The following HKDC1 variants were observed in gnomAD, a reference collection of about 807,000 sequenced individuals.
HKDC1 encodes the protein hexokinase domain containing 1.
A neutral mutation model predicts 96.6 loss-of-function variants in HKDC1; 66 were observed. That is an observed-to-expected ratio of 0.68 (90% confidence interval 0.56 to 0.84). The LOEUF is 0.84. Ranked by LOEUF, HKDC1 falls within the 40% of genes least tolerant of loss-of-function variation. The probability of loss-of-function intolerance (pLI) is 0.00; values close to 1 mark genes in which losing one functional copy is unlikely to be tolerated. For missense variants in HKDC1, 1,211 were observed against 1,208.1 expected (o/e 1.00, Z -0.04); for synonymous variants, 466 against 473.1 (o/e 0.98, Z 0.20).
rs746802271 is a variant in HKDC1, at chr10:69,250,364, C to T, written c.1645C>T (p.Arg549Trp). The change falls in exon 11 of 18, where the codon CGG (arginine) becomes TGG (tryptophan). Residue 549 changes from arginine to tryptophan, a missense_variant. Arg to Trp is a moderately radical substitution (Grantham distance 101). Transcript: ENST00000354624. ...CCTCCTGGTGAAGATCAGAAGTGGA[C>T]GGAGGTCAGTGCGAATGTACAACAA... ...RVLLVKIRSG[R>W]RSVRMYNKIF... 22 of 1,613,980 alleles carry T rather than the reference C, an allele frequency of 1.4e-5. No homozygotes were observed. Among genetic ancestry groups the T allele is most frequent in the Middle Eastern group, 3.3e-4 (2 of 6,078 alleles).
Position 69,250,379 on chromosome 10 carries a change from A to G in HKDC1, c.1660A>G (p.Met554Val), listed in dbSNP as rs1296462114. The part of the protein sequence containing the change: ...KIRSGRRSVR[M>V]YNKIFAIPLE... ...CAGAAGTGGACGGAGGTCAGTGCGAATGTACAACAAGATCTTCGCCATCCC... is the reference window on the plus strand; with the variant it reads ...CAGAAGTGGACGGAGGTCAGTGCGAGTGTACAACAAGATCTTCGCCATCCC... Residue 554 changes from methionine (M) to valine (V), a missense_variant, in exon 11 of 18, where the codon ATG (methionine) becomes GTG (valine). Physicochemically the swap from Met to Val is conservative, Grantham distance 21. Transcript: ENST00000354624. 6.2e-7 allele frequency: 1 copy of G among 1,613,996 alleles called. No homozygotes were observed. The highest frequency in any genetic ancestry group is 2.2e-5 in the East Asian group (1 of 44,892).
At chr10:69,241,545 A>G (rs568147116) in intron 6 of HKDC1, among the ~76,000 whole-genome samples, 1 of 152,166 alleles carries the variant, frequency 6.6e-6, no homozygotes, top group East Asian at 1.9e-4. Flanking sequence ...GTGCAGTGGC[A>G]CAGTCTTGGC....
intron 5 of HKDC1, among the ~76,000 whole-genome samples, chr10:69,239,766 C>CTT (rs33937984): frequency 0.33 from 41,625 of 126,526 alleles, 7,556 homozygotes; most frequent in South Asian, 0.49. Context: ...TTTCATTTTA[C>CTT]TTTTTTTTTT....
chr10:69,265,260 G>C, intron 16 of HKDC1: 1 of 312,370 alleles, frequency 3.2e-6, no homozygotes, highest in African/African-American at 2.2e-5. Flanking sequence ...CTAGCAGGCT[G>C]AGCCACAGCC....
Position 69,267,163 on chromosome 10 carries a change from A to C in HKDC1, c.*406A>C, listed in dbSNP as rs1184712764. The stretch of plus-strand genomic sequence containing the variant: ...ATGCTTAAGCCATCTCTTATAGGGG[A>C]TTGGACCCTGTACTTGTGGATGAAC... On this transcript the variant is annotated 3_prime_UTR_variant, in exon 18 of 18. Coordinates refer to ENST00000354624, the MANE Select transcript of HKDC1 (RefSeq NM_025130.4). 1 of 256,344 alleles carries C rather than the reference A, an allele frequency of 3.9e-6. No individual in the cohort carries two copies. Among genetic ancestry groups the C allele is most frequent in the Non-Finnish European group, 7.6e-6 (1 of 131,898 alleles). The allele number at this position is 256,344 out of a possible 1,614,324, so 15.9% of individuals were successfully genotyped here.
At chr10:69,236,308 A>G (rs1843359409) in intron 4 of HKDC1, among the ~76,000 whole-genome samples, 2 of 151,098 alleles carry the variant, frequency 1.3e-5, no homozygotes, top group Non-Finnish European at 3.0e-5. Flanking sequence ...GAGTTTCACC[A>G]TGTTGGCCAG....
At chr10:69,240,902 A>G in intron 6 of HKDC1, 151 bp downstream of exon 6, 1 of 613,462 alleles carries the variant, frequency 1.6e-6, no homozygotes, top group South Asian at 1.8e-5. Flanking sequence ...TCATTCATCC[A>G]TTCGACAAGT....
chr10:69,231,774 AGATT>A, intron 2 of HKDC1, among the ~76,000 whole-genome samples: 1 of 152,336 alleles, frequency 6.6e-6, no homozygotes, highest in Non-Finnish European at 1.5e-5. Context: ...GTGTGGACAT[AGATT>A]GTGGGATCTA....
chr10:69,261,179 G>A lies in HKDC1; in HGVS notation c.2257G>A (p.Val753Met). 1 of 1,614,092 alleles carries A rather than the reference G, an allele frequency of 6.2e-7. No homozygotes were observed. The highest frequency in any genetic ancestry group is 1.6e-4 in the Middle Eastern group (1 of 6,062). ...MTSGMYLGEIVRQILIDLTKQ... is the reference protein window; with the variant it reads ...MTSGMYLGEIMRQILIDLTKQ... ...CAGTGGGATGTACTTGGGGGAGATT[G>A]TGCGGCAGATCCTGATCGACCTGAC... Residue 753 changes from valine to methionine, a missense_variant, in exon 16 of 18, where the codon GTG (valine) becomes ATG (methionine). By Grantham distance (21) the Val-to-Met change is conservative. Transcript: ENST00000354624.
At chr10:69,243,478 TTC>T in intron 7 of HKDC1, 113 bp downstream of exon 7, 1 of 896,642 alleles carries the variant, frequency 1.1e-6, no homozygotes, top group Non-Finnish European at 1.6e-6. Context: ...CATCACAACT[TTC>T]TTTCTTTTTT....
chr10:69,251,002 G>T (rs1251169988), intron 12 of HKDC1, among the ~76,000 whole-genome samples: 1 of 151,812 alleles, frequency 6.6e-6, no homozygotes, highest in Admixed American at 6.6e-5. Context: ...GTGTCTTTCT[G>T]GACAGCCATG....
At chr10:69,238,809 A>C (rs1400684048) in intron 4 of HKDC1, among the ~76,000 whole-genome samples, 3 of 152,226 alleles carry the variant, frequency 2.0e-5, no homozygotes, top group Non-Finnish European at 4.4e-5. Flanking sequence ...AAGAGCTCTA[A>C]CTTTTCAATA....
intron 17 of HKDC1, among the ~76,000 whole-genome samples, chr10:69,266,037 G>A (rs1843893114): frequency 6.6e-6 from 1 of 152,218 alleles, no homozygotes; most frequent in Non-Finnish European, 1.5e-5. Context: ...ATGTTAGCCG[G>A]CCTCTCTAAA....
At chr10:69,247,753 A>G (rs765451857) in intron 9 of HKDC1, among the ~76,000 whole-genome samples, 160 bp downstream of exon 9, 9 of 152,192 alleles carry the variant, frequency 5.9e-5, no homozygotes, top group Admixed American at 2.0e-4. Context: ...GCCTGCATTC[A>G]TCTAGCTGGC....
rs1370000335 is a variant in HKDC1, at chr10:69,246,050, C to T, written c.876-29C>T. 11 of 1,607,916 alleles carry T rather than the reference C, an allele frequency of 6.8e-6. No individual in the cohort carries two copies. In the Admixed American group the frequency reaches 1.3e-4, roughly 20 times the overall value. On this transcript the variant is annotated intron_variant, in intron 7 of 17. Coordinates refer to ENST00000354624, the MANE Select transcript of HKDC1 (RefSeq NM_025130.4). ...TGATGCAGCTTAATCAAAGGGGCTG[C>T]GTCCACAGATCTGTTCACCAACCTG...
chr10:69,243,565 T>TGGCTCGCTGCA (rs1455823852), intron 7 of HKDC1, among the ~76,000 whole-genome samples, 200 bp downstream of exon 7: 1 of 151,820 alleles, frequency 6.6e-6, no homozygotes, highest in African/African-American at 2.4e-5. Context: ...GGCACGATCT[T>TGGCTCGCTGCA]GGCTCGCTGC....
At chr10:69,232,664 T>C (rs1408390610) in intron 2 of HKDC1, 100 bp from the exon 3 acceptor site, 1 of 1,100,528 alleles carries the variant, frequency 9.1e-7, no homozygotes, top group Non-Finnish European at 1.3e-6. Flanking sequence ...CTAGTGGCTG[T>C]GATTTGAAGA....
chr10:69,236,610 G>A (rs550282311), intron 4 of HKDC1, among the ~76,000 whole-genome samples: 5 of 151,708 alleles, frequency 3.3e-5, no homozygotes, highest in South Asian at 2.1e-4. Context: ...GAGAAACCCC[G>A]TCTCTACTAA....
chr10:69,248,608 C>T lies in HKDC1; in HGVS notation c.1450C>T (p.Leu484Phe). 6.2e-7 allele frequency: 1 copy of T among 1,614,152 alleles called. No homozygotes were observed. The highest frequency in any genetic ancestry group is 8.5e-7 in the Non-Finnish European group (1 of 1,180,030). The change falls in exon 10 of 18, where the codon CTC becomes TTC. Residue 484 changes from leucine (L) to phenylalanine (F), a missense_variant. Leu to Phe is a conservative substitution (Grantham distance 22). Coordinates refer to ENST00000354624, the MANE Select transcript of HKDC1 (RefSeq NM_025130.4). ...LALFQLTREQ[L>F]VDVQAKMRAE... ...TTTGTTCCAGCTGACCCGAGAGCAG[C>T]TCGTGGACGTGCAGGCCAAGATGCG...
Sources: gnomAD v4.1 joint callset for allele counts (sites outside exome capture counted in the v4.1 genomes callset) on GRCh38, gnomAD v4.1.1 for gene constraint, MANE v1.5 for transcripts, NCBI Gene and HGNC (gene_info 2026-07-23, HGNC 2026-07-21) for gene names.